Variants in PRKN observed in about 807,000 individuals in gnomAD.
PRKN encodes E3 ubiquitin-protein ligase parkin.
Under a neutral mutation model 59.5 loss-of-function variants are expected in PRKN, and 56 were observed. The ratio of observed to expected loss-of-function variants is 0.94; its 90% CI spans 0.76 to 1.18. The LOEUF (loss-of-function observed/expected upper bound fraction) is 1.18. Among genes scored for constraint, PRKN ranks in the 50% most tolerant of loss-of-function variants. The pLI, the probability that PRKN is intolerant of heterozygous loss-of-function variation, is 0.00. For synonymous variants in PRKN, 250 were observed against 222.1 expected (o/e 1.13, Z -1.12); for missense variants, 657 against 596.4 (o/e 1.10, Z -1.06).
chr6:162,381,237 A>G (rs550041795), intron 2 of PRKN, among the ~76,000 whole-genome samples: 1 of 152,266 alleles, frequency 6.6e-6, no homozygotes, highest in East Asian at 1.9e-4. Context: ...CTCCCCCGTC[A>G]CATCCTCATA....
Position 161,429,496 on chromosome 6 carries a change from C to T in PRKN, c.1084-42619G>A, listed in dbSNP as rs1007395841. Among the ~76,000 whole-genome samples the T allele has an allele frequency of 6.6e-6, 1 of 152,114 alleles. No homozygotes were observed. The highest frequency in any genetic ancestry group is 2.4e-5 in the African/African-American group (1 of 41,414). ...CAGGGTGGTATCCCCAGAGCTGAGA[C>T]CTTGCAATGGCTAGGATGTTGCTAG... On this transcript the variant is annotated intron_variant, in intron 9 of 11. Transcript: ENST00000366898. This position sits in a 1 kb window ranked among gnomAD's most constrained non-coding sequence, Gnocchi z 4.2.
chr6:162,389,007 G>GAAAAAAAAAAAA (rs71278564), intron 2 of PRKN, among the ~76,000 whole-genome samples: 11 of 104,112 alleles, frequency 1.1e-4, no homozygotes, highest in African/African-American at 3.2e-4. Context: ...AGTTCCTCCA[G>GAAAAAAAAAAAA]AAAAAAAAAA....
At chr6:161,427,871 C>T (rs554048113) in intron 9 of PRKN, among the ~76,000 whole-genome samples, 1 of 152,272 alleles carries the variant, frequency 6.6e-6, no homozygotes, top group East Asian at 1.9e-4. Context: ...GCACTGGCTT[C>T]TCAAGCAAAT....
At chr6:161,612,187 C>T (rs779716789) in intron 7 of PRKN, among the ~76,000 whole-genome samples, 40 of 152,234 alleles carry the variant, frequency 2.6e-4, no homozygotes, top group Non-Finnish European at 4.3e-4. Context: ...ATATAGAAAC[C>T]GCAGCAAGTC....
At chr6:162,226,911 T>C (rs930931302) in intron 3 of PRKN, among the ~76,000 whole-genome samples, 1 of 152,194 alleles carries the variant, frequency 6.6e-6, no homozygotes, top group African/African-American at 2.4e-5. Context: ...CCCTCCTTGG[T>C]ATATGCTGCT....
intron 2 of PRKN, among the ~76,000 whole-genome samples, chr6:162,413,350 G>A (rs1788442708): frequency 6.6e-6 from 1 of 152,162 alleles, no homozygotes; most frequent in Non-Finnish European, 1.5e-5. Flanking sequence ...TTATGAGGGA[G>A]CGGTCTACAT....
At chr6:162,413,100 T>C (rs1393550212) in intron 2 of PRKN, among the ~76,000 whole-genome samples, 3 of 152,334 alleles carry the variant, frequency 2.0e-5, no homozygotes, top group African/African-American at 7.2e-5. Flanking sequence ...TGGGGGCTTC[T>C]TCTGTGCAGT....
chr6:162,516,629 T>C (rs1252815628), intron 1 of PRKN, among the ~76,000 whole-genome samples: 4 of 151,908 alleles, frequency 2.6e-5, no homozygotes. Flanking sequence ...GTGCAGCCTA[T>C]AATCCCAGCT....
In PRKN at chr6:162,235,975, A is replaced by AAGAAAG. The variant is rs1778673261; in HGVS notation, c.412+26544_412+26549dup. On this transcript the variant is annotated intron_variant, in intron 3 of 11. Coordinates refer to ENST00000366898, the MANE Select transcript of PRKN (RefSeq NM_004562.3). ...GAAGAAAGGAAGAAAGAAAGAAAGA[A>AAGAAAG]AGAAAGAAAGAAAGAAAGAAAGAAA... 4.5e-5 allele frequency among the ~76,000 whole-genome samples: 5 copies of AAGAAAG among 110,622 alleles called. 1 individual carries two copies. Among genetic ancestry groups the AAGAAAG allele is most frequent in the African/African-American group, 2.3e-4 (5 of 21,842 alleles). The allele number at this position is 110,622 out of a possible 152,430, so 72.6% of individuals were successfully genotyped here.
rs567581372 is a variant in PRKN at position 162,280,116 on chromosome 6, T to C, written c.172-17351A>G. ...ACAGCACACTGATGGGTACTGACTTTTTATCCAATTTGCCAGTCTGTGTCT... is the reference window on the plus strand; with the variant it reads ...ACAGCACACTGATGGGTACTGACTTCTTATCCAATTTGCCAGTCTGTGTCT... On this transcript the variant is annotated intron_variant, in intron 2 of 11. Coordinates refer to ENST00000366898, the MANE Select transcript of PRKN (RefSeq NM_004562.3). Among the ~76,000 whole-genome samples, 3 of 152,236 alleles carry C rather than the reference T, an allele frequency of 2.0e-5. No individual in the cohort carries two copies. The East Asian group carries it at 5.8e-4, about 29-fold the overall frequency.
chr6:161,984,115 T>G (rs1781347955), intron 5 of PRKN, among the ~76,000 whole-genome samples: 1 of 151,998 alleles, frequency 6.6e-6, no homozygotes, highest in South Asian at 2.1e-4. Context: ...CTCATACATG[T>G]GACCACAATG....
At chr6:162,635,725 C>T (rs1228060634) in intron 1 of PRKN, among the ~76,000 whole-genome samples, 6 of 151,878 alleles carry the variant, frequency 4.0e-5, no homozygotes, top group African/African-American at 7.3e-5. Context: ...AAAAACAGTT[C>T]CAAGGAAAAC....
rs774226255 is a variant in PRKN at position 162,428,428 on chromosome 6, CAGAT to C, written c.171+14878_171+14881del. On this transcript the variant is annotated intron_variant, in intron 2 of 11. Coordinates refer to ENST00000366898, the MANE Select transcript of PRKN (RefSeq NM_004562.3). ...GTTCTGTTCTAACCTCAACAACAGA[CAGAT>C]AAACAAACTTCCTACTGGAGATCGC... Among the ~76,000 whole-genome samples the C allele has an allele frequency of 2.5e-3, 380 of 152,266 alleles. 3 individuals carry two copies. Among genetic ancestry groups the C allele is most frequent in the Non-Finnish European group, 4.2e-3 (289 of 68,010 alleles).
intron 6 of PRKN, among the ~76,000 whole-genome samples, chr6:161,955,842 C>T (rs1304436604): frequency 2.0e-5 from 3 of 152,152 alleles, no homozygotes; most frequent in Non-Finnish European, 4.4e-5. Context: ...AAGAGCTAAA[C>T]TCTATCTCAA....
rs777702810 is a variant in PRKN at position 161,444,922 on chromosome 6, T to C, written c.1084-58045A>G. Among the ~76,000 whole-genome samples the C allele has an allele frequency of 9.2e-5, 14 of 152,234 alleles. No individual in the cohort carries two copies. Among genetic ancestry groups the C allele is most frequent in the Admixed American group, 2.6e-4 (4 of 15,286 alleles). ...GTTATTTATTTTTAAAAAAAGCCAGTACCTCTCCAGTCTTCATTTTCATTT... is the reference window on the plus strand; with the variant it reads ...GTTATTTATTTTTAAAAAAAGCCAGCACCTCTCCAGTCTTCATTTTCATTT... On this transcript the variant is annotated intron_variant, in intron 9 of 11. Coordinates refer to ENST00000366898, the MANE Select transcript of PRKN (RefSeq NM_004562.3). This position sits in a 1 kb window ranked among gnomAD's most constrained non-coding sequence, Gnocchi z 5.6.
At chr6:161,835,050 G>C (rs1380881486) in intron 6 of PRKN, among the ~76,000 whole-genome samples, 1 of 152,146 alleles carries the variant, frequency 6.6e-6, no homozygotes, top group African/African-American at 2.4e-5. Context: ...GCTCTCCAGG[G>C]TAAGTCCGTC....
intron 7 of PRKN, among the ~76,000 whole-genome samples, chr6:161,779,422 C>CTTTTTTTTT (rs1790095754): frequency 1.3e-5 from 1 of 77,656 alleles, no homozygotes; most frequent in African/African-American, 4.4e-5. Context: ...TCTTTTTTTT[C>CTTTTTTTTT]TCTTTTTCTT....
rs974369465 is a variant in PRKN at position 161,440,832 on chromosome 6, C to T, written c.1084-53955G>A. Among the ~76,000 whole-genome samples, 8 of 151,846 alleles carry T rather than the reference C, an allele frequency of 5.3e-5. No individual in the cohort carries two copies. Among genetic ancestry groups the T allele is most frequent in the Non-Finnish European group, 1.0e-4 (7 of 67,978 alleles). On this transcript the variant is annotated intron_variant, in intron 9 of 11. Transcript: ENST00000366898. This position sits in a 1 kb window ranked among gnomAD's most constrained non-coding sequence, Gnocchi z 4.1. The stretch of plus-strand genomic sequence containing the variant: ...TTTCTGAGGGTTCTTTATTTGTCTT[C>T]GAGAATATTAAAGACCAGCATCTCT...
intron 7 of PRKN, among the ~76,000 whole-genome samples, chr6:161,733,899 T>C (rs1243334207): frequency 2.7e-5 from 4 of 149,238 alleles, no homozygotes; most frequent in African/African-American, 9.9e-5. Flanking sequence ...AAAATAACTT[T>C]CATCTTTTCT....
Sources: gnomAD v4.1 joint callset for allele counts (sites outside exome capture counted in the v4.1 genomes callset) on GRCh38, gnomAD v4.1.1 for gene constraint, Gnocchi (gnomAD v3.1) non-coding constraint, MANE v1.5 for transcripts, NCBI Gene and HGNC (gene_info 2026-07-23, HGNC 2026-07-21) for gene names.